The following MPDZ variants were observed in gnomAD, a reference collection of about 807,000 sequenced individuals.
The protein encoded by MPDZ is multiple PDZ domain protein.
In MPDZ, 234 loss-of-function variants were observed where a neutral mutation model predicts 239.1. The observed-to-expected ratio is 0.98, with a 90% CI of 0.88 to 1.09. The LOEUF is 1.09. MPDZ is among the 50% of genes least tolerant of loss of function. The pLI, the probability that MPDZ is intolerant of heterozygous loss-of-function variation, is 0.00. For missense variants in MPDZ, 3,175 were observed against 2,510.0 expected (o/e 1.26, Z -5.66); for synonymous variants, 1,048 against 881.3 (o/e 1.19, Z -3.35).
chr9:13,107,016 A>T lies in MPDZ; in HGVS notation c.6162T>A (p.Val2054=), dbSNP rs1305570451. The T allele has an allele frequency of 1.2e-6, 2 of 1,613,432 alleles. No homozygotes were observed. Among genetic ancestry groups the T allele is most frequent in the Non-Finnish European group, 1.7e-6 (2 of 1,179,542 alleles). ...SLEGVTHEEA[V]AILKRTKGTV... is the part of the protein sequence containing the mutation. ...TGCCTTTTGTCCGTTTAAGGATGGCAACAGCTTCTTCATGGGTGACTCCTT... is the reference window on the plus strand; with the variant it reads ...TGCCTTTTGTCCGTTTAAGGATGGCTACAGCTTCTTCATGGGTGACTCCTT... Residue 2054 remains valine (V), a synonymous_variant, in exon 47 of 47, where the codon GTT becomes GTA. Coordinates refer to ENST00000319217, the MANE Select transcript of MPDZ (RefSeq NM_001378778.1).
intron 23 of MPDZ, among the ~76,000 whole-genome samples, chr9:13,160,601 A>C (rs921360840): frequency 6.6e-6 from 1 of 151,772 alleles, no homozygotes; most frequent in Non-Finnish European, 1.5e-5. Context: ...GACAGGAAGC[A>C]CCAGGAAACT....
In MPDZ at chr9:13,136,325, C is replaced by CTTTTTTTTTTTTTT. The variant is rs869272418; in HGVS notation, c.4293-157_4293-144dup. On this transcript the variant is annotated intron_variant, in intron 30 of 46. Coordinates refer to ENST00000319217, the MANE Select transcript of MPDZ (RefSeq NM_001378778.1). ...ACACTTACAAATTTACAAACGTTTT[C>CTTTTTTTTTTTTTT]TTTTTTTTTTTTTTTTTTTTTTTTG... 191 of 156,632 alleles carry CTTTTTTTTTTTTTT rather than the reference C, an allele frequency of 1.2e-3. 13 individuals carry two copies. The highest frequency in any genetic ancestry group is 4.4e-3 in the African/African-American group (71 of 16,172). The allele number at this position is 156,632 out of a possible 1,614,324, so 9.7% of individuals were successfully genotyped here. A position where few individuals can be genotyped will look rare whatever the true frequency, so the allele number is the denominator to read the frequency against.
At position 13,176,129 on chromosome 9, in the gene MPDZ, A is replaced by G; in HGVS notation, c.2931+7T>C. The stretch of plus-strand genomic sequence containing the variant: ...ATAAAACACAAACCATATCTTTAAA[A>G]TATTACCTTTCCAGCTGAATCGGGT... On this transcript the variant is annotated splice_region_variant and intron_variant, in intron 20 of 46. Transcript: ENST00000319217. 3.2e-6 allele frequency: 5 copies of G among 1,574,804 alleles called. No homozygotes were observed. Among genetic ancestry groups the G allele is most frequent in the Non-Finnish European group, 4.3e-6 (5 of 1,158,888 alleles).
intron 21 of MPDZ, 51 bp from the exon 22 acceptor site, chr9:13,168,615 C>A: frequency 8.0e-7 from 1 of 1,245,770 alleles, no homozygotes; most frequent in Non-Finnish European, 1.1e-6. Context: ...TTTTTCAATT[C>A]ATTTTAATTT....
chr9:13,130,081 G>C (rs1945734042), intron 32 of MPDZ, among the ~76,000 whole-genome samples: 1 of 152,102 alleles, frequency 6.6e-6, no homozygotes, highest in African/African-American at 2.4e-5. Flanking sequence ...ATCACAGAAG[G>C]CTACTACCTG....
chr9:13,140,240 G>C, intron 27 of MPDZ, 91 bp from the exon 28 acceptor site: 1 of 1,279,642 alleles, frequency 7.8e-7, no homozygotes, highest in Non-Finnish European at 1.1e-6. Flanking sequence ...CAAAAACAAA[G>C]ACTGGCTTTA....
At chr9:13,196,878 C>G (rs189299482) in intron 12 of MPDZ, among the ~76,000 whole-genome samples, 1 of 151,916 alleles carries the variant, frequency 6.6e-6, no homozygotes, top group East Asian at 1.9e-4. Context: ...AATTTGAAGT[C>G]ATAGTCAAAG....
intron 1 of MPDZ, among the ~76,000 whole-genome samples, chr9:13,252,701 T>C (rs747324568): frequency 6.6e-6 from 1 of 151,910 alleles, no homozygotes; most frequent in African/African-American, 2.4e-5. Flanking sequence ...ATACAAAAAT[T>C]AGCTGGGCGT....
At chr9:13,143,170 A>C (rs1947957227) in intron 27 of MPDZ, among the ~76,000 whole-genome samples, 1 of 152,138 alleles carries the variant, frequency 6.6e-6, no homozygotes, top group Admixed American at 6.6e-5. Flanking sequence ...AACTAACAAA[A>C]ATTTAAATAT....
At chr9:13,150,384 G>A in intron 25 of MPDZ, 127 bp downstream of exon 25, 2 of 548,242 alleles carry the variant, frequency 3.6e-6, no homozygotes, top group Non-Finnish European at 2.8e-6. Context: ...CGGTACAAAG[G>A]GTGGAGCAGG....
chr9:13,276,075 C>G (rs1437062699), intron 1 of MPDZ, among the ~76,000 whole-genome samples: 1 of 152,186 alleles, frequency 6.6e-6, no homozygotes, highest in East Asian at 1.9e-4. Context: ...TAAAACCTTT[C>G]TGTTATTTCT....
chr9:13,193,399 C>T, intron 13 of MPDZ, 86 bp from the exon 14 acceptor site: 1 of 1,350,738 alleles, frequency 7.4e-7, no homozygotes, highest in South Asian at 1.9e-5. Context: ...TATGTTTACC[C>T]AAAAGTGGTC....
Position 13,247,710 on chromosome 9 carries a change from C to T in MPDZ, c.108G>A (p.Leu36=), listed in dbSNP as rs113647522. 20 of 1,613,636 alleles carry T rather than the reference C, an allele frequency of 1.2e-5. No individual in the cohort carries two copies. The highest frequency in any genetic ancestry group is 1.1e-4 in the African/African-American group (8 of 75,008). Residue 36 remains leucine, a synonymous_variant, in exon 3 of 47, where the codon CTG becomes CTA. Transcript: ENST00000319217. ...DVANEDKLSL[L]KSVLQSPLFS... ...AGAGAGGGCTCTGCAGGACTGACTTCAGAAGGCTCAGTTTGTCTTCATTTG... is the reference window on the plus strand; with the variant it reads ...AGAGAGGGCTCTGCAGGACTGACTTTAGAAGGCTCAGTTTGTCTTCATTTG...
At position 13,190,280 on chromosome 9, in the gene MPDZ, T is replaced by C; in HGVS notation, c.1988A>G (p.Glu663Gly). 1 of 1,591,140 alleles carries C rather than the reference T, an allele frequency of 6.3e-7. No individual in the cohort carries two copies. The highest frequency in any genetic ancestry group is 1.3e-5 in the African/African-American group (1 of 74,370). ...LTEKPHVDLG[E>G]FIGSSETEDP... ...CTCTGTCTCTGATGACCCGATGAAC[T>C]CACCTAGATCTACGTGAGGCTGGAT... Residue 663 changes from glutamate to glycine, a missense_variant, in exon 16 of 47, where the codon GAG (glutamate) becomes GGG (glycine). Glu to Gly is a moderately conservative substitution (Grantham distance 98, BLOSUM62 -2). Transcript: ENST00000319217.
At chr9:13,223,040 C>T (rs1016396397) in intron 5 of MPDZ, among the ~76,000 whole-genome samples, 1 of 152,052 alleles carries the variant, frequency 6.6e-6, no homozygotes, top group Non-Finnish European at 1.5e-5. Flanking sequence ...AGGATTTGCA[C>T]TGTGTTAGGC....
chr9:13,190,272 C>T lies in MPDZ; in HGVS notation c.1996G>A (p.Gly666Arg), dbSNP rs772772818. The T allele has an allele frequency of 9.4e-6, 15 of 1,602,782 alleles. No individual in the cohort carries two copies. Among genetic ancestry groups the T allele is most frequent in the African/African-American group, 2.7e-5 (2 of 74,710 alleles). ...KPHVDLGEFI[G>R]SSETEDPVLA... Reference sequence around the variant, plus strand: ...ACTGGATCCTCTGTCTCTGATGACCCGATGAACTCACCTAGATCTACGTGA... The same window carrying T: ...ACTGGATCCTCTGTCTCTGATGACCTGATGAACTCACCTAGATCTACGTGA... The change falls in exon 16 of 47, where the codon GGG becomes AGG. Residue 666 changes from glycine (G) to arginine (R), a missense_variant. Physicochemically the swap from Gly to Arg is moderately radical, Grantham distance 125. Coordinates refer to ENST00000319217, the MANE Select transcript of MPDZ (RefSeq NM_001378778.1).
chr9:13,156,544 A>G (rs1387446546), intron 24 of MPDZ, among the ~76,000 whole-genome samples: 2 of 152,108 alleles, frequency 1.3e-5, no homozygotes, highest in Non-Finnish European at 2.9e-5. Context: ...CCTGAGGCCC[A>G]TTTACTATCA....
intron 12 of MPDZ, among the ~76,000 whole-genome samples, chr9:13,199,128 C>G (rs1050200463): frequency 1.3e-5 from 2 of 151,828 alleles, no homozygotes; most frequent in Non-Finnish European, 2.9e-5. Flanking sequence ...AATATTAATT[C>G]TTCTAGTCCA....
intron 23 of MPDZ, among the ~76,000 whole-genome samples, chr9:13,158,728 G>A (rs925361443): frequency 3.3e-5 from 5 of 152,142 alleles, no homozygotes; most frequent in Admixed American, 6.6e-5. Context: ...GTCACCTTCC[G>A]TTTATGTAGC....
Sources: allele counts gnomAD v4.1 joint callset (sites outside exome capture counted in the v4.1 genomes callset), GRCh38; gene constraint gnomAD v4.1.1; transcripts MANE v1.5; gene names NCBI Gene and HGNC (gene_info 2026-07-23, HGNC 2026-07-21).